Variants in MAN2A1 observed in about 807,000 individuals in gnomAD.
MAN2A1 encodes alpha-mannosidase 2.
A neutral mutation model predicts 142.6 loss-of-function variants in MAN2A1; 76 were observed. The ratio of observed to expected loss-of-function variants is 0.53; its 90% CI spans 0.44 to 0.65. The LOEUF is 0.65. Ranked by LOEUF, MAN2A1 falls within the 30% of genes least tolerant of loss-of-function variation. MAN2A1 has a pLI of 0.00. For synonymous variants in MAN2A1, 559 were observed against 473.2 expected, an observed-to-expected ratio of 1.18 and a Z score of -2.35; for missense variants, 1,311 against 1,365.1, an observed-to-expected ratio of 0.96 and a Z score of 0.62.
chr5:109,738,016 C>G (rs1752155164), intron 4 of MAN2A1, among the ~76,000 whole-genome samples: 1 of 152,066 alleles, frequency 6.6e-6, no homozygotes, highest in African/African-American at 2.4e-5. Context: ...TTTGTGCATT[C>G]CTTATACAGC....
intron 20 of MAN2A1, chr5:109,862,857 G>A (rs2112445873): frequency 6.6e-6 from 1 of 152,296 alleles, no homozygotes; most frequent in East Asian, 1.9e-4. Context: ...CAAAAGTGAT[G>A]TAATTTTAGT....
intron 5 of MAN2A1, 39 bp from the exon 6 acceptor site, chr5:109,767,496 T>A: frequency 6.5e-7 from 1 of 1,548,310 alleles, no homozygotes; most frequent in Non-Finnish European, 8.8e-7. Context: ...ATTTCATATA[T>A]CAATTAAAAA....
intron 8 of MAN2A1, among the ~76,000 whole-genome samples, chr5:109,781,110 A>C (rs1042567052): frequency 6.6e-6 from 1 of 152,076 alleles, no homozygotes; most frequent in African/African-American, 2.4e-5. Flanking sequence ...AATTCTAGAG[A>C]TATGTAGGAG....
At chr5:109,799,702 C>T (rs190038790) in intron 12 of MAN2A1, among the ~76,000 whole-genome samples, 114 of 150,678 alleles carry the variant, frequency 7.6e-4, no homozygotes, top group African/African-American at 2.7e-3. Context: ...TGTGGTGAGC[C>T]GAGGTTGCAC....
Position 109,785,119 on chromosome 5 carries a change from A to G in MAN2A1, c.1760+193A>G, listed in dbSNP as rs151066309. 3.7e-3 allele frequency among the ~76,000 whole-genome samples: 557 copies of G among 152,230 alleles called. 4 individuals are homozygous for G. The highest frequency in any genetic ancestry group is 0.013 in the African/African-American group (541 of 41,558). The stretch of plus-strand genomic sequence containing the variant: ...CTGTTGACAGAGTCCCAGCTGCACC[A>G]ACTTTTTATTGCAATGCATTTCTGC... On this transcript the variant is annotated intron_variant, in intron 10 of 21. Transcript: ENST00000261483.
At chr5:109,771,388 A>G (rs4141493) in intron 7 of MAN2A1, among the ~76,000 whole-genome samples, 26,524 of 152,152 alleles carry the variant, frequency 0.17, 3,279 homozygotes, top group East Asian at 0.64. Flanking sequence ...GAAGAAGGTG[A>G]AATGAGATCT....
intron 19 of MAN2A1, among the ~76,000 whole-genome samples, chr5:109,849,238 C>T (rs1203584053): frequency 1.3e-5 from 2 of 152,182 alleles, no homozygotes; most frequent in Admixed American, 1.3e-4. Flanking sequence ...CTCTTCTACT[C>T]CTCTGGTTTT....
chr5:109,760,040 G>A (rs1206395322), intron 5 of MAN2A1, among the ~76,000 whole-genome samples: 2 of 151,966 alleles, frequency 1.3e-5, no homozygotes, highest in African/African-American at 4.8e-5. Flanking sequence ...AGAACATGCA[G>A]GTTTGTTACA....
At chr5:109,733,968 T>C (rs1453480481) in intron 4 of MAN2A1, among the ~76,000 whole-genome samples, 5 of 152,174 alleles carry the variant, frequency 3.3e-5, no homozygotes, top group African/African-American at 1.2e-4. Flanking sequence ...TCTGGTAGAA[T>C]TCGGCTGTGA....
rs193028875 is a variant in MAN2A1 at position 109,725,563 on chromosome 5, G to T, written c.536-3779G>T. 5.1e-4 allele frequency among the ~76,000 whole-genome samples: 77 copies of T among 152,272 alleles called. 2 individuals are homozygous for T. The highest frequency in any genetic ancestry group is 6.8e-3 in the Middle Eastern group (2 of 294). ...ATTTCTGGACCCTGGTACTCAGAAG[G>T]GCAGGGCAGGCTCTGGGTCAGTTTG... On this transcript the variant is annotated intron_variant, in intron 3 of 21. Transcript: ENST00000261483.
At chr5:109,845,842 G>A (rs1755330143) in intron 17 of MAN2A1, 23 bp from the exon 18 acceptor site, 1 of 1,591,064 alleles carries the variant, frequency 6.3e-7, no homozygotes, top group African/African-American at 1.4e-5. Context: ...ACTTTTTGTA[G>A]ATGGAATTGT....
chr5:109,716,288 C>T, intron 3 of MAN2A1, 24 bp downstream of exon 3: 1 of 1,583,046 alleles, frequency 6.3e-7, no homozygotes, highest in Non-Finnish European at 8.6e-7. Flanking sequence ...TTCAAAAAGA[C>T]AGGAGGTTAT....
At chr5:109,801,647 C>T (rs1193155167) in intron 12 of MAN2A1, among the ~76,000 whole-genome samples, 2 of 152,108 alleles carry the variant, frequency 1.3e-5, no homozygotes, top group African/African-American at 4.8e-5. Context: ...CTTCCTTGCC[C>T]ACTTCGGCTC....
At chr5:109,721,343 A>T (rs956924290) in intron 3 of MAN2A1, among the ~76,000 whole-genome samples, 1 of 152,086 alleles carries the variant, frequency 6.6e-6, no homozygotes, top group African/African-American at 2.4e-5. Context: ...TAACACATTT[A>T]TCTGGACTTT....
intron 12 of MAN2A1, among the ~76,000 whole-genome samples, chr5:109,792,329 G>A (rs951871469): frequency 6.6e-6 from 1 of 151,652 alleles, no homozygotes. Flanking sequence ...TTTCTCATCT[G>A]TGAAATGCAT....
chr5:109,789,292 A>C (rs955865172), intron 11 of MAN2A1, among the ~76,000 whole-genome samples, 168 bp from the exon 12 acceptor site: 3 of 151,842 alleles, frequency 2.0e-5, no homozygotes, highest in Non-Finnish European at 3.0e-5. Flanking sequence ...CAACTGGGGC[A>C]TTATAACTAG....
Position 109,752,443 on chromosome 5 carries a change from G to A in MAN2A1, c.708-2886G>A, listed in dbSNP as rs886463618. On this transcript the variant is annotated intron_variant, in intron 4 of 21. Coordinates refer to ENST00000261483, the MANE Select transcript of MAN2A1 (RefSeq NM_002372.4). ...TCTGCCAAGCAAGCTTCTGAGTGCC[G>A]GACGTGCCAACGTGAACAAAACACA... Among the ~76,000 whole-genome samples the A allele has an allele frequency of 1.9e-4, 29 of 152,268 alleles. 1 individual carries two copies. The highest frequency in any genetic ancestry group is 1.3e-3 in the Admixed American group (20 of 15,290).
chr5:109,836,404 C>T (rs1174682498), intron 16 of MAN2A1, among the ~76,000 whole-genome samples: 1 of 151,362 alleles, frequency 6.6e-6, no homozygotes, highest in East Asian at 2.0e-4. Flanking sequence ...GCATGAGCCA[C>T]CGCACCGGCA....
intron 13 of MAN2A1, among the ~76,000 whole-genome samples, chr5:109,818,813 G>A (rs745557816): frequency 3.9e-5 from 6 of 152,046 alleles, no homozygotes; most frequent in Non-Finnish European, 8.8e-5. Context: ...ACCAACTTTA[G>A]GTTATTAGGT....
Sources: gnomAD v4.1 joint callset for allele counts (sites outside exome capture counted in the v4.1 genomes callset) on GRCh38, gnomAD v4.1.1 for gene constraint, MANE v1.5 for transcripts, NCBI Gene and HGNC (gene_info 2026-07-23, HGNC 2026-07-21) for gene names.